The following EFCAB6 variants were observed in gnomAD, a reference collection of about 807,000 sequenced individuals.
EFCAB6 encodes EF-hand calcium-binding domain-containing protein 6.
A neutral mutation model predicts 169.8 loss-of-function variants in EFCAB6; 156 were observed. The ratio of observed to expected loss-of-function variants is 0.92; its 90% CI spans 0.81 to 1.05. EFCAB6 has a LOEUF of 1.05. Ranked by LOEUF, EFCAB6 falls within the 50% of genes least tolerant of loss-of-function variation. EFCAB6 has a pLI of 0.00. For missense variants in EFCAB6, 1,800 were observed against 1,829.1 expected, an observed-to-expected ratio of 0.98 and a Z score of 0.29; for synonymous variants, 698 against 676.4, an observed-to-expected ratio of 1.03 and a Z score of -0.50.
intron 2 of EFCAB6, among the ~76,000 whole-genome samples, chr22:43,784,629 ATATG>A: frequency 1.3e-5 from 1 of 75,626 alleles, no homozygotes; most frequent in African/African-American, 5.1e-5. Context: ...ATACACATAT[ATATG>A]TATATGTACA....
At chr22:43,652,937 A>G (rs1450299021) in intron 17 of EFCAB6, among the ~76,000 whole-genome samples, 3 of 152,218 alleles carry the variant, frequency 2.0e-5, no homozygotes, top group Admixed American at 6.5e-5. Context: ...ACTACTGAAA[A>G]ATATAATACT....
chr22:43,584,576 T>C (rs1405619475), intron 24 of EFCAB6, among the ~76,000 whole-genome samples: 1 of 152,040 alleles, frequency 6.6e-6, no homozygotes, highest in African/African-American at 2.4e-5. Flanking sequence ...TCCCCAGCCT[T>C]CTCTATAACA....
chr22:43,601,125 C>G (rs906735619), intron 22 of EFCAB6, among the ~76,000 whole-genome samples: 31 of 152,096 alleles, frequency 2.0e-4, no homozygotes, highest in African/African-American at 7.5e-4. Flanking sequence ...TGAAGAGATG[C>G]CAATTACATA....
At chr22:43,620,457 G>A (rs2054042339) in intron 20 of EFCAB6, among the ~76,000 whole-genome samples, 1 of 148,790 alleles carries the variant, frequency 6.7e-6, no homozygotes, top group Non-Finnish European at 1.5e-5. Flanking sequence ...TTAAAGTGCT[G>A]AAACAAAAGG....
intron 17 of EFCAB6, among the ~76,000 whole-genome samples, chr22:43,642,773 GACA>G (rs2055885422): frequency 6.6e-6 from 1 of 152,198 alleles, no homozygotes; most frequent in African/African-American, 2.4e-5. Flanking sequence ...AAACTGGGGT[GACA>G]ATCAAGACGC....
Position 43,555,015 on chromosome 22 carries a change from C to A in EFCAB6, c.3502G>T (p.Ala1168Ser). The change falls in exon 27 of 32, where the codon GCT (alanine) becomes TCT (serine). Residue 1168 changes from alanine (A) to serine (S), a missense_variant. Physicochemically the swap from Ala to Ser is moderately conservative, Grantham distance 99 (BLOSUM62 1). Coordinates refer to ENST00000262726, the MANE Select transcript of EFCAB6 (RefSeq NM_022785.4). ...GAAGTCACTGCTTTGTGGAGGCGAGCCAGGATGTCTCTGTCGGCTGTGGCC... is the reference window on the plus strand; with the variant it reads ...GAAGTCACTGCTTTGTGGAGGCGAGACAGGATGTCTCTGTCGGCTGTGGCC... ...PKATADRDIL[A>S]RLHKAVTSHY... The A allele has an allele frequency of 6.2e-7, 1 of 1,614,214 alleles. No individual in the cohort carries two copies.
At chr22:43,726,542 G>A (rs1326178864) in intron 8 of EFCAB6, among the ~76,000 whole-genome samples, 18 of 152,222 alleles carry the variant, frequency 1.2e-4, no homozygotes, top group African/African-American at 3.9e-4. Flanking sequence ...CTTTTTGCCT[G>A]AGGGCAGGCC....
intron 6 of EFCAB6, among the ~76,000 whole-genome samples, chr22:43,742,033 G>A (rs1247416106): frequency 6.6e-6 from 1 of 151,956 alleles, no homozygotes; most frequent in Admixed American, 6.6e-5. Context: ...CCTGCTTCTT[G>A]CAGCCTCCTC....
rs2050673796 is a variant in EFCAB6 at position 43,580,809 on chromosome 22, G to T, written c.3033-150C>A. 9.0e-6 allele frequency: 7 copies of T among 774,000 alleles called. No individual in the cohort carries two copies. The South Asian group carries it at 1.2e-4, about 14-fold the overall frequency. The allele number at this position is 774,000 out of a possible 1,614,324, so 47.9% of individuals were successfully genotyped here. ...CTTCGCTGTACGTGCAGACATGGCAGTTAGCTCTGCTCTCAGGTAGACACA... is the reference window on the plus strand; with the variant it reads ...CTTCGCTGTACGTGCAGACATGGCATTTAGCTCTGCTCTCAGGTAGACACA... On this transcript the variant is annotated intron_variant, in intron 24 of 31. Coordinates refer to ENST00000262726, the MANE Select transcript of EFCAB6 (RefSeq NM_022785.4).
intron 17 of EFCAB6, among the ~76,000 whole-genome samples, chr22:43,638,746 T>G (rs1348374443): frequency 7.2e-5 from 11 of 152,210 alleles, no homozygotes; most frequent in Non-Finnish European, 1.6e-4. Flanking sequence ...TTACATAGAA[T>G]GTAGAAACCT....
chr22:43,744,138 G>GGTA lies in EFCAB6; in HGVS notation c.508-8148_508-8146dup, dbSNP rs1352142356. Among the ~76,000 whole-genome samples, 1 of 151,810 alleles carries GGTA rather than the reference G, an allele frequency of 6.6e-6. No homozygotes were observed. The highest frequency in any genetic ancestry group is 1.5e-5 in the Non-Finnish European group (1 of 67,964). On this transcript the variant is annotated intron_variant, in intron 6 of 31. Transcript: ENST00000262726. This position sits in a 1 kb window ranked among gnomAD's most constrained non-coding sequence, Gnocchi z 4.3. ...TGGATGGGTTATGGATGGATGGATG[G>GGTA]GTAGATGGATGGATGGATGATGGAT...
At chr22:43,786,590 C>T (rs2062085417) in intron 2 of EFCAB6, among the ~76,000 whole-genome samples, 1 of 152,044 alleles carries the variant, frequency 6.6e-6, no homozygotes, top group East Asian at 1.9e-4. Flanking sequence ...GGCATGGTGG[C>T]GGGCACCTGT....
At chr22:43,534,297 A>G (rs2147002723) in intron 30 of EFCAB6, among the ~76,000 whole-genome samples, 1 of 152,230 alleles carries the variant, frequency 6.6e-6, no homozygotes, top group South Asian at 2.1e-4. Flanking sequence ...ACCATGTAAG[A>G]CGTGCTTGCC....
intron 28 of EFCAB6, among the ~76,000 whole-genome samples, chr22:43,539,247 A>G (rs2047553906): frequency 6.6e-6 from 1 of 152,212 alleles, no homozygotes; most frequent in Non-Finnish European, 1.5e-5. Flanking sequence ...GGATTAGGAC[A>G]CAGGCATCTT....
intron 10 of EFCAB6, among the ~76,000 whole-genome samples, chr22:43,706,267 C>T (rs764043929): frequency 6.6e-5 from 10 of 152,224 alleles, no homozygotes; most frequent in Admixed American, 3.9e-4. Context: ...TCCTGGGAGG[C>T]TCCTCCCACA....
intron 10 of EFCAB6, among the ~76,000 whole-genome samples, chr22:43,703,299 G>C (rs1267678835): frequency 6.6e-6 from 1 of 152,194 alleles, no homozygotes; most frequent in Admixed American, 6.5e-5. Flanking sequence ...AGCTCTGTCT[G>C]CCCATGGTCA....
chr22:43,531,133 A>G (rs2047038297), intron 30 of EFCAB6, among the ~76,000 whole-genome samples, 169 bp from the exon 31 acceptor site: 2 of 152,142 alleles, frequency 1.3e-5, no homozygotes, highest in Non-Finnish European at 2.9e-5. Flanking sequence ...CGTCACAAAG[A>G]TGCGCACCCG....
At chr22:43,582,349 C>T (rs987732136) in intron 24 of EFCAB6, among the ~76,000 whole-genome samples, 1 of 151,734 alleles carries the variant, frequency 6.6e-6, no homozygotes, top group Non-Finnish European at 1.5e-5. Flanking sequence ...CATACACACA[C>T]ACACACACAC....
Position 43,744,614 on chromosome 22 carries a change from A to G in EFCAB6, c.508-8621T>C, listed in dbSNP as rs948120808. On this transcript the variant is annotated intron_variant, in intron 6 of 31. Transcript: ENST00000262726. This position sits in a 1 kb window ranked among gnomAD's most constrained non-coding sequence, Gnocchi z 4.3. ...GCCAAAGGAAGTGAGCTGGACCACC[A>G]GGAGTGGGAGCTGAGGGGGTCCAGA... Among the ~76,000 whole-genome samples the G allele has an allele frequency of 6.6e-6, 1 of 152,140 alleles. No individual in the cohort carries two copies. Among genetic ancestry groups the G allele is most frequent in the African/African-American group, 2.4e-5 (1 of 41,436 alleles).
Sources: allele counts gnomAD v4.1 joint callset (sites outside exome capture counted in the v4.1 genomes callset), GRCh38; gene constraint gnomAD v4.1.1; non-coding constraint Gnocchi (gnomAD v3.1); transcripts MANE v1.5; gene names NCBI Gene and HGNC (gene_info 2026-07-23, HGNC 2026-07-21).